STYXL2: variants seen among roughly 807,000 people sequenced by gnomAD.
STYXL2 encodes the protein serine/threonine/tyrosine interacting like 2, also known as serine/threonine/tyrosine-interacting-like protein 2.
A neutral mutation model predicts 52.4 loss-of-function variants in STYXL2; 44 were observed. The observed-to-expected ratio is 0.84, with a 90% CI of 0.66 to 1.08. The LOEUF is 1.08. Ranked by LOEUF, STYXL2 falls within the 50% of genes least tolerant of loss-of-function variation. STYXL2 has a pLI of 0.00. For missense variants in STYXL2, 1,604 were observed against 1,471.7 expected (o/e 1.09, Z -1.47); for synonymous variants, 604 against 586.9 (o/e 1.03, Z -0.42).
intron 2 of STYXL2, among the ~76,000 whole-genome samples, chr1:167,106,295 C>T (rs1667506120): frequency 6.6e-6 from 1 of 152,164 alleles, no homozygotes; most frequent in African/African-American, 2.4e-5. Flanking sequence ...GTAAGGGCGC[C>T]TCCTGTGTCT....
At position 167,128,682 on chromosome 1, in the gene STYXL2, C is replaced by G. The variant is rs928657875; in HGVS notation, c.*74C>G. On this transcript the variant is annotated 3_prime_UTR_variant, in exon 6 of 6. Coordinates refer to ENST00000361200, the MANE Select transcript of STYXL2 (RefSeq NM_001080426.3). ...GGGCTCAGGGCACACGTTGCCACCACTCATCGCAGGATGAGGATACAGAGA... is the reference window on the plus strand; with the variant it reads ...GGGCTCAGGGCACACGTTGCCACCAGTCATCGCAGGATGAGGATACAGAGA... 1.1e-5 allele frequency: 17 copies of G among 1,500,242 alleles called. No individual in the cohort carries two copies. Among genetic ancestry groups the G allele is most frequent in the South Asian group, 4.1e-5 (3 of 72,682 alleles). The allele number at this position is 1,500,242 out of a possible 1,614,324, so 92.9% of individuals were successfully genotyped here.
At chr1:167,118,498 A>G (rs965395311) in intron 4 of STYXL2, among the ~76,000 whole-genome samples, 4 of 152,218 alleles carry the variant, frequency 2.6e-5, no homozygotes, top group African/African-American at 7.2e-5. Flanking sequence ...GCTGGGCACC[A>G]AGTCTTAAGT....
intron 2 of STYXL2, among the ~76,000 whole-genome samples, chr1:167,105,890 G>C (rs1484804415): frequency 1.3e-5 from 2 of 152,158 alleles, no homozygotes; most frequent in Non-Finnish European, 2.9e-5. Flanking sequence ...GGCTGAGGAG[G>C]AAATCTGTTC....
chr1:167,111,550 G>T (rs1342096205), intron 2 of STYXL2, among the ~76,000 whole-genome samples: 1 of 136,156 alleles, frequency 7.3e-6, no homozygotes, highest in Non-Finnish European at 1.6e-5. Context: ...ATATACTATG[G>T]AATAATACTT....
chr1:167,101,730 G>C (rs1667405884), intron 2 of STYXL2, among the ~76,000 whole-genome samples: 1 of 151,896 alleles, frequency 6.6e-6, no homozygotes, highest in Non-Finnish European at 1.5e-5. Context: ...GAACCAGAGA[G>C]GTGGAGGTTG....
chr1:167,095,573 T>C (rs764159575), intron 2 of STYXL2, among the ~76,000 whole-genome samples: 2 of 152,198 alleles, frequency 1.3e-5, no homozygotes, highest in Non-Finnish European at 2.9e-5. Context: ...CGACGTTATG[T>C]TATCATGTAG....
chr1:167,126,569 T>TG lies in STYXL2; in HGVS notation c.1440dup (p.Asn481GlufsTer8). On this transcript the variant is annotated frameshift_variant, in exon 6 of 6. Transcript: ENST00000361200. LOFTEE classifies it low-confidence loss of function (END_TRUNC). ...GTCCTCGGAGAGCACCTGGGACGCATGGAACGAGAGGCTGCTGGAGATTGA... is the reference window on the plus strand; with the variant it reads ...GTCCTCGGAGAGCACCTGGGACGCATGGGAACGAGAGGCTGCTGGAGATTGA... The TG allele has an allele frequency of 6.2e-7, 1 of 1,613,824 alleles. No homozygotes were observed. Among genetic ancestry groups the TG allele is most frequent in the Non-Finnish European group, 8.5e-7 (1 of 1,179,966 alleles).
Position 167,126,331 on chromosome 1 carries a change from C to T in STYXL2, c.1200C>T (p.Asn400=). 6.6e-6 allele frequency: 10 copies of T among 1,520,976 alleles called. No homozygotes were observed. The highest frequency in any genetic ancestry group is 8.8e-6 in the Non-Finnish European group (10 of 1,131,644). The allele number at this position is 1,520,976 out of a possible 1,614,324, so 94.2% of individuals were successfully genotyped here. A position where few individuals can be genotyped will look rare whatever the true frequency, so the allele number is the denominator to read the frequency against. The change falls in exon 6 of 6, where the codon AAC becomes AAT. Residue 400 remains asparagine (N), a synonymous_variant. Coordinates refer to ENST00000361200, the MANE Select transcript of STYXL2 (RefSeq NM_001080426.3). ...TCATCCAGGAGTGGCAGAGCCGAAA[C>T]GAGAGGTACCAAGCAGAAGGGTACC... The part of the protein sequence containing the change: ...ERIIQEWQSR[N]ERYQAEGYRR...
chr1:167,102,945 C>A (rs1667432214), intron 2 of STYXL2, among the ~76,000 whole-genome samples: 1 of 105,798 alleles, frequency 9.5e-6, no homozygotes, highest in Non-Finnish European at 2.3e-5. Flanking sequence ...ACAAACTAGG[C>A]AGCTTAAAAA....
chr1:167,105,342 C>A (rs1667488560), intron 2 of STYXL2, among the ~76,000 whole-genome samples: 2 of 152,192 alleles, frequency 1.3e-5, no homozygotes, highest in South Asian at 4.1e-4. Context: ...CTTTATTGTT[C>A]CTCTTTCAAT....
At chr1:167,115,761 G>A (rs1280774324) in intron 3 of STYXL2, among the ~76,000 whole-genome samples, 1 of 152,170 alleles carries the variant, frequency 6.6e-6, no homozygotes, top group Non-Finnish European at 1.5e-5. Flanking sequence ...ATAGAGCTCT[G>A]GGATTGCAGG....
intron 2 of STYXL2, among the ~76,000 whole-genome samples, chr1:167,098,430 C>T (rs1183146738): frequency 1.3e-5 from 2 of 152,018 alleles, no homozygotes; most frequent in Non-Finnish European, 2.9e-5. Context: ...GAGCTATGAC[C>T]ATGCCACTGC....
intron 2 of STYXL2, among the ~76,000 whole-genome samples, chr1:167,099,210 C>T (rs1306059747): frequency 1.3e-5 from 2 of 152,002 alleles, no homozygotes; most frequent in African/African-American, 4.8e-5. Flanking sequence ...AAATTAAAAG[C>T]CACAATCTCC....
At chr1:167,121,741 A>G (rs1667861275) in intron 5 of STYXL2, among the ~76,000 whole-genome samples, 1 of 152,226 alleles carries the variant, frequency 6.6e-6, no homozygotes. Context: ...CCAGCGCGTC[A>G]GCTACCCCGG....
intron 5 of STYXL2, among the ~76,000 whole-genome samples, chr1:167,124,770 C>T (rs891998488): frequency 4.6e-5 from 7 of 152,136 alleles, no homozygotes; most frequent in African/African-American, 7.2e-5. Flanking sequence ...TTTCAGTTGA[C>T]GGATGTAAAA....
intron 2 of STYXL2, among the ~76,000 whole-genome samples, chr1:167,108,094 G>T (rs1393514686): frequency 6.6e-6 from 1 of 152,138 alleles, no homozygotes; most frequent in Non-Finnish European, 1.5e-5. Flanking sequence ...GAGACTACAG[G>T]CCCTTGGAAA....
chr1:167,100,097 A>G (rs548165071), intron 2 of STYXL2, among the ~76,000 whole-genome samples: 3 of 152,378 alleles, frequency 2.0e-5, no homozygotes, highest in Admixed American at 2.0e-4. Context: ...ATAACATGGC[A>G]GATGGCATCA....
At chr1:167,114,243 G>A (rs1038569660) in intron 3 of STYXL2, among the ~76,000 whole-genome samples, 2 of 152,054 alleles carry the variant, frequency 1.3e-5, no homozygotes, top group African/African-American at 4.8e-5. Flanking sequence ...GAAAGGCTTG[G>A]GTGGGGAGCA....
intron 2 of STYXL2, among the ~76,000 whole-genome samples, chr1:167,099,230 A>G (rs746056970): frequency 3.3e-5 from 5 of 152,234 alleles, no homozygotes; most frequent in Non-Finnish European, 2.9e-5. Context: ...CCTCAACTGT[A>G]TGTATATTTT....
Sources: gnomAD v4.1 joint callset for allele counts (sites outside exome capture counted in the v4.1 genomes callset) on GRCh38, gnomAD v4.1.1 for gene constraint, MANE v1.5 for transcripts, NCBI Gene and HGNC (gene_info 2026-07-23, HGNC 2026-07-21) for gene names.